Variants in ST8SIA6 observed in about 807,000 individuals in gnomAD.
ST8SIA6 encodes the protein alpha-2,8-sialyltransferase 8F.
ST8SIA6 carries 39 observed loss-of-function variants against 33.6 expected under a neutral mutation model. The observed-to-expected ratio is 1.16, with a 90% CI of 0.90 to 1.52. ST8SIA6 has a LOEUF of 1.52. Among genes scored for constraint, ST8SIA6 ranks in the 40% most tolerant of loss-of-function variants. The pLI, the probability that ST8SIA6 is intolerant of heterozygous loss-of-function variation, is 0.00. For synonymous variants in ST8SIA6, 172 were observed against 167.2 expected (o/e 1.03, Z -0.22); for missense variants, 441 against 443.8 (o/e 0.99, Z 0.06).
At chr10:17,327,456 G>A (rs1286625123) in intron 5 of ST8SIA6, among the ~76,000 whole-genome samples, 1 of 152,076 alleles carries the variant, frequency 6.6e-6, no homozygotes, top group Admixed American at 6.6e-5. Context: ...GCGTGGTGGT[G>A]GGTGCCTGTA....
chr10:17,399,381 A>G (rs923236181), intron 2 of ST8SIA6, among the ~76,000 whole-genome samples: 4 of 152,218 alleles, frequency 2.6e-5, no homozygotes, highest in East Asian at 1.9e-4. Context: ...GTTTTGGTGA[A>G]TGCCATTTAA....
At chr10:17,341,352 G>A (rs79306045) in intron 4 of ST8SIA6, among the ~76,000 whole-genome samples, 4,009 of 152,200 alleles carry the variant, frequency 0.026, 73 homozygotes, top group African/African-American at 0.049. Context: ...ATAACGTCCC[G>A]GCTGGAGAAG....
chr10:17,421,191 G>C (rs556884119), intron 2 of ST8SIA6, among the ~76,000 whole-genome samples: 1 of 152,138 alleles, frequency 6.6e-6, no homozygotes, highest in Non-Finnish European at 1.5e-5. Flanking sequence ...CCTTACCTGG[G>C]GTAGAACACA....
intron 3 of ST8SIA6, among the ~76,000 whole-genome samples, chr10:17,373,145 C>A (rs1849788789): frequency 6.6e-6 from 1 of 152,224 alleles, no homozygotes; most frequent in Non-Finnish European, 1.5e-5. Context: ...CAGATAACCT[C>A]ACCTCTGATT....
intron 2 of ST8SIA6, among the ~76,000 whole-genome samples, chr10:17,447,972 G>C (rs1051509561): frequency 6.6e-6 from 1 of 151,944 alleles, no homozygotes; most frequent in Non-Finnish European, 1.5e-5. Context: ...GCTAATTTTT[G>C]TATTTTTAGT....
chr10:17,349,548 T>A (rs1848963124), intron 4 of ST8SIA6, among the ~76,000 whole-genome samples: 1 of 152,202 alleles, frequency 6.6e-6, no homozygotes, highest in Admixed American at 6.5e-5. Flanking sequence ...ATTTTACTGA[T>A]AAAGACACTG....
chr10:17,383,655 C>T (rs1175418358), intron 3 of ST8SIA6, among the ~76,000 whole-genome samples: 3 of 152,092 alleles, frequency 2.0e-5, no homozygotes, highest in African/African-American at 7.2e-5. Context: ...AAAACTTCAA[C>T]AGGTGCTTTT....
At chr10:17,439,995 C>T (rs1436938263) in intron 2 of ST8SIA6, among the ~76,000 whole-genome samples, 2 of 152,148 alleles carry the variant, frequency 1.3e-5, no homozygotes, top group Non-Finnish European at 2.9e-5. Context: ...AATAAACTCC[C>T]AGTGCCAACA....
intron 3 of ST8SIA6, among the ~76,000 whole-genome samples, chr10:17,381,492 TAAATC>T (rs765220927): frequency 2.5e-4 from 38 of 152,112 alleles, no homozygotes; most frequent in Non-Finnish European, 4.0e-4. Context: ...AAAAAGTGCT[TAAATC>T]AAATACCAAA....
At chr10:17,383,896 A>G (rs1043397010) in intron 3 of ST8SIA6, among the ~76,000 whole-genome samples, 4 of 152,238 alleles carry the variant, frequency 2.6e-5, no homozygotes, top group African/African-American at 9.6e-5. Context: ...GTAACAATTT[A>G]GTATACTCCC....
intron 2 of ST8SIA6, among the ~76,000 whole-genome samples, chr10:17,437,607 C>T (rs962830719): frequency 1.4e-5 from 2 of 140,012 alleles, no homozygotes; most frequent in African/African-American, 5.5e-5. Context: ...CTTGGACCCC[C>T]TGTTTCCTTC....
intron 2 of ST8SIA6, among the ~76,000 whole-genome samples, chr10:17,391,935 G>C (rs970650752): frequency 6.6e-6 from 1 of 152,000 alleles, no homozygotes; most frequent in African/African-American, 2.4e-5. Context: ...TGTAACATGC[G>C]TCACATATAT....
intron 7 of ST8SIA6, among the ~76,000 whole-genome samples, chr10:17,321,759 A>T (rs1022424230): frequency 1.3e-5 from 2 of 152,146 alleles, no homozygotes; most frequent in African/African-American, 4.8e-5. Flanking sequence ...CTGCGCACTT[A>T]TGATTTGTAC....
intron 2 of ST8SIA6, among the ~76,000 whole-genome samples, chr10:17,428,915 A>T (rs1164379946): frequency 6.6e-6 from 1 of 152,080 alleles, no homozygotes; most frequent in East Asian, 1.9e-4. Flanking sequence ...GTCCATGATA[A>T]CCTGAGATAT....
At chr10:17,419,902 C>T (rs1005054836) in intron 2 of ST8SIA6, among the ~76,000 whole-genome samples, 2 of 152,212 alleles carry the variant, frequency 1.3e-5, no homozygotes, top group Non-Finnish European at 2.9e-5. Context: ...AATCTGATAT[C>T]ATGCAGTCAT....
chr10:17,353,356 G>A (rs1352861497), intron 4 of ST8SIA6, among the ~76,000 whole-genome samples: 3 of 152,144 alleles, frequency 2.0e-5, no homozygotes, highest in East Asian at 1.9e-4. Flanking sequence ...AGTTTATATC[G>A]TTTCACAAAG....
At chr10:17,331,592 A>G (rs1301059670) in intron 4 of ST8SIA6, 40 bp from the exon 5 acceptor site, 2 of 1,570,758 alleles carry the variant, frequency 1.3e-6, no homozygotes, top group East Asian at 2.3e-5. Context: ...AAAGTATAAG[A>G]TTAAGAAACC....
chr10:17,338,809 C>T (rs939571203), intron 4 of ST8SIA6, among the ~76,000 whole-genome samples: 1 of 152,198 alleles, frequency 6.6e-6, no homozygotes, highest in Non-Finnish European at 1.5e-5. Flanking sequence ...TCAGCAATTT[C>T]CTCCATGCAA....
intron 4 of ST8SIA6, among the ~76,000 whole-genome samples, chr10:17,332,812 CA>C (rs1449904321): frequency 6.6e-6 from 1 of 152,112 alleles, no homozygotes; most frequent in Non-Finnish European, 1.5e-5. Flanking sequence ...CTCTAATGAT[CA>C]GTGATGATGA....
Sources: gnomAD v4.1 joint callset for allele counts (sites outside exome capture counted in the v4.1 genomes callset) on GRCh38, gnomAD v4.1.1 for gene constraint, MANE v1.5 for transcripts, NCBI Gene and HGNC (gene_info 2026-07-23, HGNC 2026-07-21) for gene names.